The following ELMO2 variants were observed in gnomAD, a reference collection of about 807,000 sequenced individuals.
The protein encoded by ELMO2 is engulfment and cell motility protein 2.
Under a neutral mutation model 96.2 loss-of-function variants are expected in ELMO2, and 37 were observed. The ratio of observed to expected loss-of-function variants is 0.38; its 90% CI spans 0.30 to 0.51. The LOEUF is 0.51. Ranked by LOEUF, ELMO2 falls within the 20% of genes least tolerant of loss-of-function variation. ELMO2 has a pLI of 0.88. For missense variants in ELMO2, 561 were observed against 912.6 expected, an observed-to-expected ratio of 0.61 and a Z score of 4.96; for synonymous variants, 315 against 329.4, an observed-to-expected ratio of 0.96 and a Z score of 0.47.
At chr20:46,383,339 T>A in intron 10 of ELMO2, 77 bp downstream of exon 10, 1 of 1,408,620 alleles carries the variant, frequency 7.1e-7, no homozygotes, top group South Asian at 1.2e-5. Flanking sequence ...TTGTGCTCTC[T>A]GCATAGCAAA....
At chr20:46,373,375 T>G (rs1320583105) in intron 16 of ELMO2, 24 bp downstream of exon 16, 1 of 1,613,680 alleles carries the variant, frequency 6.2e-7, no homozygotes, top group East Asian at 2.2e-5. Context: ...CCCGTGGGCC[T>G]CAGAGCAGCC....
chr20:46,370,884 A>T (rs1184511024), intron 19 of ELMO2, among the ~76,000 whole-genome samples: 1 of 152,208 alleles, frequency 6.6e-6, no homozygotes, highest in Non-Finnish European at 1.5e-5. Flanking sequence ...GCAGCTGCTA[A>T]CAGTTATGCT....
chr20:46,388,428 G>A (rs1352414470), intron 7 of ELMO2, among the ~76,000 whole-genome samples: 1 of 152,190 alleles, frequency 6.6e-6, no homozygotes, highest in Non-Finnish European at 1.5e-5. Flanking sequence ...TTTACTGACT[G>A]CTGCTCACAA....
chr20:46,405,861 G>A (rs1197958581), intron 1 of ELMO2, among the ~76,000 whole-genome samples: 1 of 152,170 alleles, frequency 6.6e-6, no homozygotes, highest in African/African-American at 2.4e-5. Flanking sequence ...TCCAGCCTGG[G>A]CGGCAGAGCG....
intron 1 of ELMO2, among the ~76,000 whole-genome samples, chr20:46,405,566 G>C (rs956745293): frequency 4.6e-5 from 7 of 152,120 alleles, no homozygotes; most frequent in Non-Finnish European, 1.5e-5. Flanking sequence ...CGCCGGGCCA[G>C]TTTCATGCCC....
chr20:46,397,279 A>G (rs766547038), intron 2 of ELMO2, among the ~76,000 whole-genome samples: 4 of 152,232 alleles, frequency 2.6e-5, no homozygotes, highest in African/African-American at 4.8e-5. Context: ...GCCTCTCTGA[A>G]CTGAATGACA....
At chr20:46,405,397 A>C (rs2060414296) in intron 1 of ELMO2, among the ~76,000 whole-genome samples, 1 of 152,140 alleles carries the variant, frequency 6.6e-6, no homozygotes, top group Non-Finnish European at 1.5e-5. Context: ...GGCCCCAAGG[A>C]AGGCAGGAGC....
intron 2 of ELMO2, among the ~76,000 whole-genome samples, chr20:46,394,740 A>C (rs945317335): frequency 3.9e-5 from 6 of 152,242 alleles, no homozygotes; most frequent in Non-Finnish European, 7.3e-5. Context: ...CAAACTATCT[A>C]TCATCCATAG....
chr20:46,386,171 C>T lies in ELMO2; in HGVS notation c.630G>A (p.Lys210=). 6.2e-7 allele frequency: 1 copy of T among 1,614,194 alleles called. No individual in the cohort carries two copies. Residue 210 remains lysine (K), a synonymous_variant, in exon 9 of 22, where the codon AAG becomes AAA. Coordinates refer to ENST00000290246, the MANE Select transcript of ELMO2 (RefSeq NM_133171.5). ...GTCCCACGGTGATTTCCTCGGCTAT[C>T]TTCTGGTACAGACTCTGGCTGTTCA... ...MVLNSQSLYQ[K]IAEEITVGQL... is the part of the protein sequence containing the mutation.
At chr20:46,395,624 G>A (rs148256835) in intron 2 of ELMO2, among the ~76,000 whole-genome samples, 1 of 152,290 alleles carries the variant, frequency 6.6e-6, no homozygotes, top group East Asian at 1.9e-4. Context: ...ACAGATGTCA[G>A]TTCTCACAGC....
At position 46,394,094 on chromosome 20, in the gene ELMO2, AAGAG is replaced by A. The variant is rs759659077; in HGVS notation, c.79-9_79-6del. 8.1e-6 allele frequency: 13 copies of A among 1,612,402 alleles called. No homozygotes were observed. The highest frequency in any genetic ancestry group is 2.2e-5 in the South Asian group (2 of 90,998). ...AATGGATGCCAGGGGCCGTTTCTGAAAGAGAGAGAGAGAAAGCCTTCAACAGCAG... is the reference window on the plus strand; with the variant it reads ...AATGGATGCCAGGGGCCGTTTCTGAAAGAGAGAGAAAGCCTTCAACAGCAG... On this transcript the variant is annotated splice_region_variant and splice_polypyrimidine_tract_variant and intron_variant, in intron 3 of 21. Transcript: ENST00000290246.
intron 9 of ELMO2, 139 bp downstream of exon 9, chr20:46,385,983 AGT>A: frequency 1.2e-6 from 1 of 863,698 alleles, no homozygotes; most frequent in South Asian, 2.0e-5. Context: ...TTCTGGCAGG[AGT>A]GTGGAAGAGG....
intron 1 of ELMO2, among the ~76,000 whole-genome samples, chr20:46,405,738 G>A (rs932219666): frequency 3.9e-5 from 6 of 152,172 alleles, no homozygotes; most frequent in Non-Finnish European, 5.9e-5. Flanking sequence ...ACAAAAATTA[G>A]CTGGGCGTGG....
Position 46,389,342 on chromosome 20 carries a change from C to T in ELMO2, c.244-122G>A, listed in dbSNP as rs962004696. 4.0e-5 allele frequency: 40 copies of T among 1,001,922 alleles called. No individual in the cohort carries two copies. In the African/African-American group the frequency reaches 6.0e-4, roughly 15 times the overall value. The allele number at this position is 1,001,922 out of a possible 1,614,324, so 62.1% of individuals were successfully genotyped here. On this transcript the variant is annotated intron_variant, in intron 6 of 21. Coordinates refer to ENST00000290246, the MANE Select transcript of ELMO2 (RefSeq NM_133171.5). ...CTGAGGCAGAACTAGTTTTTTCACACAGCTTAGGAGTTGCTAAATAAATGT... is the reference window on the plus strand; with the variant it reads ...CTGAGGCAGAACTAGTTTTTTCACATAGCTTAGGAGTTGCTAAATAAATGT...
intron 1 of ELMO2, among the ~76,000 whole-genome samples, chr20:46,403,809 C>A (rs151174137): frequency 1.3e-5 from 2 of 152,282 alleles, no homozygotes; most frequent in East Asian, 3.9e-4. Flanking sequence ...GTAGGCCGGG[C>A]GCCGTGGCTC....
chr20:46,376,612 A>G (rs909517533), intron 11 of ELMO2: 1 of 1,288,698 alleles, frequency 7.8e-7, no homozygotes, highest in African/African-American at 1.5e-5. Flanking sequence ...CCTTGATTAC[A>G]TTCCTGTCTC....
intron 10 of ELMO2, among the ~76,000 whole-genome samples, 191 bp downstream of exon 10, chr20:46,383,225 G>T (rs1176447364): frequency 6.6e-6 from 1 of 152,158 alleles, no homozygotes; most frequent in Non-Finnish European, 1.5e-5. Context: ...AGACCCAGCT[G>T]GTTTCCCCTC....
intron 9 of ELMO2, among the ~76,000 whole-genome samples, chr20:46,385,693 C>G (rs1256715835): frequency 6.6e-6 from 1 of 152,180 alleles, no homozygotes; most frequent in African/African-American, 2.4e-5. Flanking sequence ...CTAATTGAGC[C>G]TCTACTTAAA....
intron 1 of ELMO2, among the ~76,000 whole-genome samples, chr20:46,402,654 A>G (rs918415690): frequency 6.6e-6 from 1 of 152,266 alleles, no homozygotes; most frequent in Admixed American, 6.5e-5. Context: ...AATACTGACC[A>G]TAACAGCACA....
Sources: allele counts gnomAD v4.1 joint callset (sites outside exome capture counted in the v4.1 genomes callset), GRCh38; gene constraint gnomAD v4.1.1; transcripts MANE v1.5; gene names NCBI Gene and HGNC (gene_info 2026-07-23, HGNC 2026-07-21).